Variants in ABCA9 observed in about 807,000 individuals in gnomAD.
ABCA9 encodes the protein ATP-binding cassette sub-family A member 9.
ABCA9 carries 183 observed loss-of-function variants against 205.3 expected under a neutral mutation model. That is an observed-to-expected ratio of 0.89 (90% CI 0.79 to 1.01). The LOEUF is 1.01. Among genes scored for constraint, ABCA9 ranks in the 50% least tolerant of loss-of-function variants. The probability of loss-of-function intolerance (pLI) is 0.00; values close to 1 mark genes in which losing one functional copy is unlikely to be tolerated. For missense variants in ABCA9, 1,805 were observed against 1,912.4 expected (o/e 0.94, Z 1.05); for synonymous variants, 651 against 683.3 (o/e 0.95, Z 0.74).
intron 16 of ABCA9, among the ~76,000 whole-genome samples, chr17:69,025,788 T>G (rs1269875654): frequency 6.6e-6 from 1 of 152,148 alleles, no homozygotes; most frequent in African/African-American, 2.4e-5. Context: ...GATTGGCAGA[T>G]TGTTAAAACT....
the ABCA9 span, among the ~76,000 whole-genome samples, chr17:69,071,812 T>A: frequency 1.3e-5 from 2 of 152,186 alleles, no homozygotes; most frequent in Non-Finnish European, 2.9e-5. Context: ...TAAAGGAGCA[T>A]GTTCTAACCT....
chr17:69,077,059 G>C, the ABCA9 span, among the ~76,000 whole-genome samples: 1 of 151,786 alleles, frequency 6.6e-6, no homozygotes, highest in Admixed American at 6.6e-5. Context: ...CTAGTTTTGG[G>C]ATTTTGTTCT....
chr17:68,975,902 G>C lies in ABCA9; in HGVS notation c.*13C>G. On this transcript the variant is annotated 3_prime_UTR_variant, in exon 39 of 39. Coordinates refer to ENST00000340001, the MANE Select transcript of ABCA9 (RefSeq NM_080283.4). ...GTCACAGGATTAAAGAAAGATATAGGGTATTTGGAGCTTTAAGGCTCTTCC... is the reference window on the plus strand; with the variant it reads ...GTCACAGGATTAAAGAAAGATATAGCGTATTTGGAGCTTTAAGGCTCTTCC... 1 of 1,587,114 alleles carries C rather than the reference G, an allele frequency of 6.3e-7. No homozygotes were observed. Among genetic ancestry groups the C allele is most frequent in the East Asian group, 2.2e-5 (1 of 44,726 alleles).
intron 23 of ABCA9, among the ~76,000 whole-genome samples, chr17:69,011,396 A>G (rs1316265557): frequency 6.6e-6 from 1 of 152,200 alleles, no homozygotes; most frequent in Non-Finnish European, 1.5e-5. Context: ...GTCACTAAAG[A>G]TAGGGACAGT....
Position 69,032,129 on chromosome 17 carries a change from A to C in ABCA9, c.1424T>G (p.Phe475Cys). 6.2e-7 allele frequency: 1 copy of C among 1,611,186 alleles called. No individual in the cohort carries two copies. Among genetic ancestry groups the C allele is most frequent in the Non-Finnish European group, 8.5e-7 (1 of 1,179,058 alleles). Residue 475 changes from phenylalanine to cysteine, a missense_variant, in exon 10 of 39, where the codon TTC becomes TGC. Phe to Cys is a radical substitution (Grantham distance 205, BLOSUM62 -2). Transcript: ENST00000340001. ...TTACCTGATGGCTTCTTTCCCACAG[A>C]ATTCTGGAGACACTGGTTCAAAACA... ...NDCFEPVSPE[F>C]CGKEAIRIKN... is the part of the protein sequence containing the mutation.
At chr17:69,028,176 T>G (rs1268747103) in intron 12 of ABCA9, among the ~76,000 whole-genome samples, 2 of 151,666 alleles carry the variant, frequency 1.3e-5, no homozygotes, top group African/African-American at 4.8e-5. Context: ...AATTACATAA[T>G]TTTTTTTTGG....
At chr17:69,003,607 C>T (rs1411585833) in intron 25 of ABCA9, among the ~76,000 whole-genome samples, 2 of 145,378 alleles carry the variant, frequency 1.4e-5, no homozygotes, top group Non-Finnish European at 3.0e-5. Context: ...TGGAGTTGCT[C>T]TTCTCGAGGA....
Position 68,976,184 on chromosome 17 carries a change from T to A in ABCA9, c.4727A>T (p.Gln1576Leu). 6.2e-7 allele frequency: 1 copy of A among 1,614,028 alleles called. No homozygotes were observed. Among genetic ancestry groups the A allele is most frequent in the South Asian group, 1.1e-5 (1 of 91,038 alleles). Reference sequence around the variant, plus strand: ...GCTGTACTCCTCCAGGTCGAAACTCTGTTTAACTGCATAAGAATGAGCATA... The same window carrying A: ...GCTGTACTCCTCCAGGTCGAAACTCAGTTTAACTGCATAAGAATGAGCATA... ...QAFFKLEIVK[Q>L]SFDLEEYSLS... Residue 1576 changes from glutamine (Q) to leucine (L), a missense_variant, in exon 38 of 39, where the codon CAG (glutamine) becomes CTG (leucine). Coordinates refer to ENST00000340001, the MANE Select transcript of ABCA9 (RefSeq NM_080283.4).
intron 11 of ABCA9, 46 bp from the exon 12 acceptor site, chr17:69,028,691 C>T: frequency 8.4e-7 from 1 of 1,185,870 alleles, no homozygotes; most frequent in Non-Finnish European, 1.2e-6. Context: ...TACATATTAA[C>T]TTTACAGTCT....
chr17:69,078,871 T>C, the ABCA9 span: 2 of 660,846 alleles, frequency 3.0e-6, no homozygotes, highest in Non-Finnish European at 4.8e-6. Flanking sequence ...AAAATATACC[T>C]GATGTTAATT....
At chr17:69,032,350 C>A (rs1250781510) in intron 9 of ABCA9, 74 bp from the exon 10 acceptor site, 2 of 1,398,114 alleles carry the variant, frequency 1.4e-6, no homozygotes, top group East Asian at 2.3e-5. Flanking sequence ...TCAGTGCAGC[C>A]CCTTTGACAT....
chr17:68,998,778 TATTA>T (rs1228455922), intron 25 of ABCA9, among the ~76,000 whole-genome samples: 1 of 151,962 alleles, frequency 6.6e-6, no homozygotes, highest in African/African-American at 2.4e-5. Flanking sequence ...CAGAATTCAT[TATTA>T]ATTCTGAAAT....
chr17:68,985,618 C>T (rs1473287674), intron 32 of ABCA9, among the ~76,000 whole-genome samples: 1 of 151,878 alleles, frequency 6.6e-6, no homozygotes, highest in African/African-American at 2.4e-5. Context: ...AAGACTCCGT[C>T]TCAAAAAACA....
Position 69,033,888 on chromosome 17 carries a change from T to TA in ABCA9, c.1129-16dup. 2 of 1,558,744 alleles carry TA rather than the reference T, an allele frequency of 1.3e-6. No homozygotes were observed. The highest frequency in any genetic ancestry group is 2.7e-5 in the African/African-American group (2 of 72,970). ...AAATGTATAAGCTGAAAAAGAAAGA[T>TA]ACAGTGAATTTTAAAAGAATTAATA... is the stretch of plus-strand genomic sequence containing the variant. On this transcript the variant is annotated splice_polypyrimidine_tract_variant and intron_variant, in intron 8 of 38. Transcript: ENST00000340001.
At chr17:68,987,766 G>T (rs7503310) in intron 31 of ABCA9, among the ~76,000 whole-genome samples, 39,204 of 95,742 alleles carry the variant, frequency 0.41, 5,827 homozygotes, top group Middle Eastern at 0.55. Context: ...TTGTTTGTTT[G>T]TTTTTTTGTT....
chr17:69,024,231 C>T lies in ABCA9; in HGVS notation c.2264G>A (p.Arg755Lys). 6.2e-7 allele frequency: 1 copy of T among 1,612,234 alleles called. No homozygotes were observed. The highest frequency in any genetic ancestry group is 8.5e-7 in the Non-Finnish European group (1 of 1,179,302). ...TTTGTTACCTGGAAATTTGTTTGTCCTTTCCAAAGGCAAAATATATACAAG... is the reference window on the plus strand; with the variant it reads ...TTTGTTACCTGGAAATTTGTTTGTCTTTTCCAAAGGCAAAATATATACAAG... ...EKLVYILPLE[R>K]TNKFPELYRD... The change falls in exon 17 of 39, where the codon AGG becomes AAG. Residue 755 changes from arginine (R) to lysine (K), a missense_variant. By Grantham distance (26) the Arg-to-Lys change is conservative. Coordinates refer to ENST00000340001, the MANE Select transcript of ABCA9 (RefSeq NM_080283.4).
At chr17:69,054,843 C>G (rs1042916644) in intron 1 of ABCA9, among the ~76,000 whole-genome samples, 1 of 151,812 alleles carries the variant, frequency 6.6e-6, no homozygotes, top group Non-Finnish European at 1.5e-5. Flanking sequence ...TTATAAGATA[C>G]GCTACCAATT....
chr17:69,009,829 GAAGAT>G, intron 23 of ABCA9, among the ~76,000 whole-genome samples: 1 of 152,250 alleles, frequency 6.6e-6, no homozygotes, highest in South Asian at 2.1e-4. Flanking sequence ...AGCCAGCTAT[GAAGAT>G]GAGAGAGAAA....
chr17:69,053,303 A>G (rs1173619279), intron 1 of ABCA9, among the ~76,000 whole-genome samples: 2 of 152,196 alleles, frequency 1.3e-5, no homozygotes, highest in African/African-American at 4.8e-5. Context: ...ATTTCACTTC[A>G]GAGATTCCTG....
Sources: gnomAD v4.1 joint callset for allele counts (sites outside exome capture counted in the v4.1 genomes callset) on GRCh38, gnomAD v4.1.1 for gene constraint, MANE v1.5 for transcripts, NCBI Gene and HGNC (gene_info 2026-07-23, HGNC 2026-07-21) for gene names.